The following TNKS variants were observed in gnomAD, a reference collection of about 807,000 sequenced individuals.
The protein encoded by TNKS is poly [ADP-ribose] polymerase tankyrase-1.
TNKS carries 72 observed loss-of-function variants against 135.8 expected under a neutral mutation model. That is an observed-to-expected ratio of 0.53 (90% CI 0.44 to 0.64). TNKS has a LOEUF of 0.64. TNKS is among the 30% of genes least tolerant of loss of function. TNKS has a pLI of 0.00. For synonymous variants in TNKS, 849 were observed against 649.3 expected, an observed-to-expected ratio of 1.31 and a Z score of -4.68; for missense variants, 1,769 against 1,674.0, an observed-to-expected ratio of 1.06 and a Z score of -0.99.
intron 5 of TNKS, among the ~76,000 whole-genome samples, chr8:9,700,341 C>G (rs1803735817): frequency 6.6e-6 from 1 of 152,180 alleles, no homozygotes; most frequent in Non-Finnish European, 1.5e-5. Flanking sequence ...TCCATAAGCT[C>G]AAAATACTGA....
intron 1 of TNKS, among the ~76,000 whole-genome samples, chr8:9,572,790 T>G (rs762090048): frequency 6.6e-6 from 1 of 152,186 alleles, no homozygotes; most frequent in South Asian, 2.1e-4. Context: ...CTGTGTTTAG[T>G]GGACCTTTAG....
At chr8:9,733,239 G>T in intron 14 of TNKS, 40 bp from the exon 15 acceptor site, 1 of 1,515,046 alleles carries the variant, frequency 6.6e-7, no homozygotes, top group South Asian at 1.4e-5. Context: ...GTAACTCAAA[G>T]GTTTGTTTTA....
intron 2 of TNKS, among the ~76,000 whole-genome samples, chr8:9,606,949 C>G (rs144859770): frequency 6.6e-6 from 1 of 152,200 alleles, no homozygotes; most frequent in African/African-American, 2.4e-5. Context: ...AAGATTGTCT[C>G]TTCTGCAGAC....
chr8:9,772,486 A>T, intron 26 of TNKS: 1 of 451,352 alleles, frequency 2.2e-6, no homozygotes, highest in Admixed American at 2.4e-5. Context: ...GTATTCTTCA[A>T]AAATGTTAAT....
chr8:9,658,460 C>T (rs1365707310), intron 3 of TNKS: 13 of 894,298 alleles, frequency 1.5e-5, no homozygotes, highest in Non-Finnish European at 2.1e-5. Context: ...ATTTTCAACC[C>T]AGAATTTCAT....
At chr8:9,763,265 T>G (rs200399355) in intron 22 of TNKS, 21 bp downstream of exon 22, 2 of 1,486,282 alleles carry the variant, frequency 1.3e-6, no homozygotes, top group East Asian at 4.6e-5. Context: ...TCAGAAATCT[T>G]TCATTTGCTT....
At chr8:9,725,351 A>G (rs576602392) in intron 12 of TNKS, among the ~76,000 whole-genome samples, 8 of 152,362 alleles carry the variant, frequency 5.3e-5, no homozygotes, top group African/African-American at 1.9e-4. Context: ...ACTCTTAAGA[A>G]TAATAATTCA....
intron 3 of TNKS, among the ~76,000 whole-genome samples, chr8:9,679,548 A>G (rs1016456356): frequency 6.6e-6 from 1 of 152,156 alleles, no homozygotes; most frequent in African/African-American, 2.4e-5. Context: ...TTGTACCTTT[A>G]AAGAGCCACA....
chr8:9,692,345 A>G (rs1803314675), intron 5 of TNKS, among the ~76,000 whole-genome samples: 1 of 152,188 alleles, frequency 6.6e-6, no homozygotes, highest in Admixed American at 6.5e-5. Flanking sequence ...TTCCAGCTGC[A>G]TCCATGTCGC....
intron 1 of TNKS, among the ~76,000 whole-genome samples, chr8:9,572,833 T>TA (rs1797807068): frequency 6.6e-6 from 1 of 152,214 alleles, no homozygotes; most frequent in Non-Finnish European, 1.5e-5. Context: ...CCGCTAGTGT[T>TA]AAACTAGTGA....
At chr8:9,691,251 A>G (rs532575239) in intron 5 of TNKS, among the ~76,000 whole-genome samples, 2 of 113,642 alleles carry the variant, frequency 1.8e-5, no homozygotes, top group African/African-American at 6.5e-5. Flanking sequence ...ATTCTTTCCA[A>G]TTTCAATATT....
intron 3 of TNKS, among the ~76,000 whole-genome samples, chr8:9,647,188 A>G (rs1205154458): frequency 6.6e-6 from 1 of 152,170 alleles, no homozygotes; most frequent in Non-Finnish European, 1.5e-5. Context: ...ATGCAAGCAC[A>G]CTTCTACCCT....
At chr8:9,723,999 C>CT (rs1805035501) in intron 12 of TNKS, among the ~76,000 whole-genome samples, 1 of 152,138 alleles carries the variant, frequency 6.6e-6, no homozygotes, top group African/African-American at 2.4e-5. Flanking sequence ...GTCCAGTAGT[C>CT]TAATATTGAT....
intron 8 of TNKS, 104 bp downstream of exon 8, chr8:9,707,101 C>G: frequency 1.0e-6 from 1 of 962,202 alleles, no homozygotes; most frequent in Non-Finnish European, 1.5e-6. Context: ...TACAAGCAGA[C>G]TAATTCATAA....
intron 12 of TNKS, among the ~76,000 whole-genome samples, chr8:9,725,931 G>T (rs539118242): frequency 1.3e-5 from 2 of 151,988 alleles, no homozygotes; most frequent in Non-Finnish European, 2.9e-5. Flanking sequence ...ATTCTGTTTC[G>T]CATTGCTATC....
intron 17 of TNKS, among the ~76,000 whole-genome samples, chr8:9,745,782 T>A (rs1473895831): frequency 6.6e-6 from 1 of 152,230 alleles, no homozygotes; most frequent in African/African-American, 2.4e-5. Context: ...AGTTGGCTGA[T>A]CTGTACTTTT....
In TNKS at chr8:9,710,129, C is replaced by T. The variant is rs1489564728; in HGVS notation, c.1671-13C>T. 1.2e-6 allele frequency: 2 copies of T among 1,613,716 alleles called. No homozygotes were observed. Among genetic ancestry groups the T allele is most frequent in the Admixed American group, 1.7e-5 (1 of 59,988 alleles). On this transcript the variant is annotated splice_polypyrimidine_tract_variant and intron_variant, in intron 10 of 26. Coordinates refer to ENST00000310430, the MANE Select transcript of TNKS (RefSeq NM_003747.3). The stretch of plus-strand genomic sequence containing the variant: ...GAGACAATTACCTTTTCTTTCTTTC[C>T]TCTTTTCTGTAGTTTCATGACTCCC...
intron 2 of TNKS, among the ~76,000 whole-genome samples, chr8:9,614,771 C>T (rs1799578711): frequency 6.6e-6 from 1 of 152,154 alleles, no homozygotes; most frequent in African/African-American, 2.4e-5. Flanking sequence ...CTGCCCTCTC[C>T]ACCCTCCCTA....
At chr8:9,605,523 A>G (rs1006336123) in intron 2 of TNKS, among the ~76,000 whole-genome samples, 6 of 152,072 alleles carry the variant, frequency 3.9e-5, no homozygotes, top group African/African-American at 1.4e-4. Flanking sequence ...TATGTATGCT[A>G]GGACATACAG....
Sources: allele counts gnomAD v4.1 joint callset (sites outside exome capture counted in the v4.1 genomes callset), GRCh38; gene constraint gnomAD v4.1.1; transcripts MANE v1.5; gene names NCBI Gene and HGNC (gene_info 2026-07-23, HGNC 2026-07-21).